Variants in IL1RAPL1 observed in about 807,000 individuals in gnomAD.
IL1RAPL1 encodes the protein interleukin-1 receptor accessory protein-like 1.
IL1RAPL1 carries 3 observed loss-of-function variants against 48.4 expected under a neutral mutation model. The ratio of observed to expected loss-of-function variants is 0.06; its 90% CI spans 0.03 to 0.16. The LOEUF is 0.16. Among genes scored for constraint, IL1RAPL1 ranks in the 10% least tolerant of loss-of-function variants. IL1RAPL1 has a pLI of 1.00. For missense variants in IL1RAPL1, 349 were observed against 530.6 expected (o/e 0.66, Z 3.36); for synonymous variants, 185 against 187.7 (o/e 0.99, Z 0.12).
At chrX:29,573,441 A>T (rs1422907782) in intron 5 of IL1RAPL1, among the ~76,000 whole-genome samples, 3 of 112,197 alleles carry the variant, frequency 2.7e-5, no homozygotes, top group Non-Finnish European at 5.6e-5. Context: ...ATAAAAATTC[A>T]TTTCTTACTA....
At chrX:28,803,854 G>A (rs1031613162) in intron 2 of IL1RAPL1, among the ~76,000 whole-genome samples, 39 of 112,046 alleles carry the variant, frequency 3.5e-4, no homozygotes, top group African/African-American at 1.2e-3. Flanking sequence ...CTATGCCTGG[G>A]CATAAAAAAG....
intron 6 of IL1RAPL1, among the ~76,000 whole-genome samples, chrX:29,887,331 G>T (rs1180349756): frequency 8.9e-6 from 1 of 112,445 alleles, no homozygotes; most frequent in African/African-American, 3.2e-5. Flanking sequence ...AAGCAATTTT[G>T]TGGTTTGAAC....
chrX:28,964,836 A>G (rs184039989), intron 2 of IL1RAPL1, among the ~76,000 whole-genome samples: 4 of 110,639 alleles, frequency 3.6e-5, no homozygotes, highest in African/African-American at 1.3e-4. Context: ...TTTTTTCTCT[A>G]AGGTTTGGGA....
rs185494497 is a variant in IL1RAPL1 at position 28,762,655 on chromosome X, A to G, written c.-24-26665A>G. Among the ~76,000 whole-genome samples the G allele has an allele frequency of 3.9e-3, 427 of 110,322 alleles. 3 individuals carry two copies. The highest frequency in any genetic ancestry group is 5.4e-3 in the Non-Finnish European group (287 of 52,870). ...ATTCCATGGTAATTTTTTCATGCCT[A>G]AGAACAGTCTTTAAAGTGTTTTATT... On this transcript the variant is annotated intron_variant, in intron 1 of 10. Coordinates refer to ENST00000378993, the MANE Select transcript of IL1RAPL1 (RefSeq NM_014271.4).
At chrX:28,830,122 GT>G (rs2147285725) in intron 2 of IL1RAPL1, among the ~76,000 whole-genome samples, 1 of 111,591 alleles carries the variant, frequency 9.0e-6, no homozygotes, top group Non-Finnish European at 1.9e-5. Flanking sequence ...TCTCTGTCTG[GT>G]TTTGGTATCA....
chrX:28,914,812 C>A lies in IL1RAPL1; in HGVS notation c.82+125387C>A, dbSNP rs1331466955. 7.1e-5 allele frequency among the ~76,000 whole-genome samples: 8 copies of A among 112,570 alleles called. No homozygotes were observed. In the Admixed American group the frequency reaches 7.5e-4, roughly 11 times the overall value. On this transcript the variant is annotated intron_variant, in intron 2 of 10. Transcript: ENST00000378993. ...ATTCTGTATATACTCTATGAAAATA[C>A]TCGCAGATGAACTTTCCATTAATAA...
intron 2 of IL1RAPL1, among the ~76,000 whole-genome samples, chrX:28,948,455 A>G (rs1487758974): frequency 9.1e-6 from 1 of 110,435 alleles, no homozygotes; most frequent in East Asian, 2.9e-4. Flanking sequence ...GACAGACAGG[A>G]TTGAACCCCA....
chrX:29,129,039 CTTTT>C (rs62772160), intron 2 of IL1RAPL1, among the ~76,000 whole-genome samples: 1 of 62,391 alleles, frequency 1.6e-5, no homozygotes, highest in African/African-American at 6.4e-5. Flanking sequence ...TACCTAGAAT[CTTTT>C]TTTTTTTTTT....
chrX:28,836,486 T>C (rs1921221356), intron 2 of IL1RAPL1, among the ~76,000 whole-genome samples: 1 of 108,124 alleles, frequency 9.2e-6, no homozygotes, highest in South Asian at 4.0e-4. Flanking sequence ...GTTAACTCAC[T>C]TCTCTCTTTG....
chrX:28,670,656 C>G (rs1934938838), intron 1 of IL1RAPL1, among the ~76,000 whole-genome samples: 1 of 112,033 alleles, frequency 8.9e-6, no homozygotes, highest in Non-Finnish European at 1.9e-5. Flanking sequence ...TTATTGCTTT[C>G]AACCAAAGGC....
intron 2 of IL1RAPL1, among the ~76,000 whole-genome samples, chrX:29,204,318 C>T (rs1481274265): frequency 8.9e-6 from 1 of 112,113 alleles, no homozygotes; most frequent in African/African-American, 3.2e-5. Context: ...AGTGGCTGTA[C>T]TACTTTACAT....
chrX:29,826,447 G>A (rs1483228059), intron 6 of IL1RAPL1, among the ~76,000 whole-genome samples: 1 of 111,754 alleles, frequency 8.9e-6, no homozygotes, highest in Non-Finnish European at 1.9e-5. Context: ...ATTATTTATA[G>A]AGTTGTGCAA....
In IL1RAPL1 at chrX:28,689,440, G is replaced by A. The variant is rs772908340; in HGVS notation, c.-24-99880G>A. 2.1e-4 allele frequency among the ~76,000 whole-genome samples: 23 copies of A among 111,065 alleles called. No individual in the cohort carries two copies. In the South Asian group the frequency reaches 8.9e-3, roughly 43 times the overall value. ...TCTGCCATGATTGTAAGTTTCCTGAGGCCTCCCCAGCCATGCTGAACTGTG... is the reference window on the plus strand; with the variant it reads ...TCTGCCATGATTGTAAGTTTCCTGAAGCCTCCCCAGCCATGCTGAACTGTG... On this transcript the variant is annotated intron_variant, in intron 1 of 10. Transcript: ENST00000378993.
At chrX:29,631,788 C>A (rs1924783904) in intron 5 of IL1RAPL1, among the ~76,000 whole-genome samples, 1 of 110,341 alleles carries the variant, frequency 9.1e-6, no homozygotes, top group Non-Finnish European at 1.9e-5. Context: ...CAGCAAGACT[C>A]TGTCTCAAAT....
At chrX:29,720,711 C>G (rs1273376872) in intron 6 of IL1RAPL1, among the ~76,000 whole-genome samples, 2 of 110,741 alleles carry the variant, frequency 1.8e-5, no homozygotes, top group Non-Finnish European at 3.8e-5. Flanking sequence ...ATGTAACAAA[C>G]CTGCACGTTC....
At chrX:29,337,351 A>G (rs1246175837) in intron 3 of IL1RAPL1, among the ~76,000 whole-genome samples, 1 of 112,044 alleles carries the variant, frequency 8.9e-6, no homozygotes, top group Non-Finnish European at 1.9e-5. Context: ...ATCTTAAAGC[A>G]TTGTCTAAGA....
At chrX:28,759,297 G>T (rs961521752) in intron 1 of IL1RAPL1, among the ~76,000 whole-genome samples, 4 of 110,357 alleles carry the variant, frequency 3.6e-5, no homozygotes, top group Admixed American at 9.7e-5. Context: ...GAGTTTTTTG[G>T]TTTTTAAAGC....
intron 6 of IL1RAPL1, among the ~76,000 whole-genome samples, chrX:29,698,533 G>A (rs1569148835): frequency 1.8e-5 from 2 of 108,857 alleles, no homozygotes; most frequent in Non-Finnish European, 3.8e-5. Context: ...TCAGTGCTGA[G>A]GACAAAAGGA....
At chrX:29,025,962 T>C (rs1926476801) in intron 2 of IL1RAPL1, among the ~76,000 whole-genome samples, 1 of 111,810 alleles carries the variant, frequency 8.9e-6, no homozygotes, top group Non-Finnish European at 1.9e-5. Context: ...AATACGTAAA[T>C]AAAGTACAGT....
Sources: gnomAD v4.1 joint callset for allele counts (sites outside exome capture counted in the v4.1 genomes callset) on GRCh38, gnomAD v4.1.1 for gene constraint, MANE v1.5 for transcripts, NCBI Gene and HGNC (gene_info 2026-07-23, HGNC 2026-07-21) for gene names.